Variants in RINT1 observed in about 807,000 individuals in gnomAD.
RINT1 encodes RAD50 interactor 1, also known as RAD50-interacting protein 1.
In RINT1, 75 loss-of-function variants were observed where a neutral mutation model predicts 97.7. The observed-to-expected ratio is 0.77, with a 90% CI of 0.64 to 0.93. The LOEUF is 0.93. Among genes scored for constraint, RINT1 ranks in the 40% least tolerant of loss-of-function variants. RINT1 has a pLI of 0.00. For missense variants in RINT1, 892 were observed against 925.2 expected (o/e 0.96, Z 0.47); for synonymous variants, 303 against 326.3 (o/e 0.93, Z 0.77).
chr7:105,560,326 A>G lies in RINT1; in HGVS notation c.1672-3407A>G, dbSNP rs139736644. 5.6e-3 allele frequency among the ~76,000 whole-genome samples: 852 copies of G among 152,312 alleles called. 11 individuals are homozygous for G. Among genetic ancestry groups the G allele is most frequent in the African/African-American group, 0.02 (825 of 41,564 alleles). On this transcript the variant is annotated intron_variant, in intron 11 of 14. Transcript: ENST00000257700. ...CCTGGCACCAAAGGATAGGGCTGAC[A>G]CCACCTAAGTTGTCTCAGATTGGGG...
In RINT1 at chr7:105,565,585, T is replaced by G; in HGVS notation, c.2123T>G (p.Met708Arg). ...EGGAAQLQFD[M>R]TRNLFPLFSH... ...GGAGCAGCCCAGCTGCAGTTTGATATGACTCGGAATCTTTTCCCTTTGTTT... is the reference window on the plus strand; with the variant it reads ...GGAGCAGCCCAGCTGCAGTTTGATAGGACTCGGAATCTTTTCCCTTTGTTT... The change falls in exon 14 of 15, where the codon ATG becomes AGG. Residue 708 changes from methionine (M) to arginine (R), a missense_variant. By Grantham distance (91) the Met-to-Arg change is moderately conservative (BLOSUM62 -1). Coordinates refer to ENST00000257700, the MANE Select transcript of RINT1 (RefSeq NM_021930.6). 1 of 1,614,054 alleles carries G rather than the reference T, an allele frequency of 6.2e-7. No individual in the cohort carries two copies. Among genetic ancestry groups the G allele is most frequent in the Non-Finnish European group, 8.5e-7 (1 of 1,179,966 alleles).
At chr7:105,532,955 A>G (rs1307911072) in intron 2 of RINT1, 86 bp downstream of exon 2, 9 of 1,184,694 alleles carry the variant, frequency 7.6e-6, no homozygotes, top group East Asian at 2.3e-5. Context: ...TTCTTTGCCT[A>G]TCTTTTAGAT....
chr7:105,532,763 C>T, intron 1 of RINT1, 61 bp from the exon 2 acceptor site: 2 of 1,564,012 alleles, frequency 1.3e-6, no homozygotes, highest in Non-Finnish European at 1.8e-6. Context: ...TTGGGAGCCC[C>T]GTATGCTTTC....
chr7:105,559,458 A>G (rs1235021451), intron 11 of RINT1, among the ~76,000 whole-genome samples: 1 of 143,530 alleles, frequency 7.0e-6, no homozygotes, highest in East Asian at 2.2e-4. Flanking sequence ...GGAGAATTGC[A>G]TGAACCTGGG....
Position 105,548,588 on chromosome 7 carries a change from G to GAA in RINT1, c.878_879dup (p.Tyr294AsnfsTer18). On this transcript the variant is annotated frameshift_variant, in exon 7 of 15. Transcript: ENST00000257700. LOFTEE classifies it high-confidence loss of function. ...ACTTACTGAGCCAAAGCAACTCCCA[G>GAA]AAAAATACTCTCTTCCTGCCTCCCC... 6.2e-7 allele frequency: 1 copy of GAA among 1,614,130 alleles called. No homozygotes were observed. The highest frequency in any genetic ancestry group is 1.1e-5 in the South Asian group (1 of 91,084).
intron 12 of RINT1, 97 bp from the exon 13 acceptor site, chr7:105,565,180 G>A (rs1791646657): frequency 9.8e-7 from 1 of 1,021,076 alleles, no homozygotes; most frequent in Admixed American, 2.9e-5. Context: ...TATCCAAAAT[G>A]CCCTAGGACA....
chr7:105,562,890 G>C (rs62486998), intron 11 of RINT1, among the ~76,000 whole-genome samples: 6 of 152,114 alleles, frequency 3.9e-5, no homozygotes, highest in African/African-American at 1.4e-4. Context: ...GTGACAGAGC[G>C]AGATTCCGTC....
chr7:105,565,446 A>C lies in RINT1; in HGVS notation c.2056A>C (p.Ile686Leu), dbSNP rs1791673147. The C allele has an allele frequency of 1.2e-6, 2 of 1,614,042 alleles. No individual in the cohort carries two copies. Among genetic ancestry groups the C allele is most frequent in the East Asian group, 2.2e-5 (1 of 44,882 alleles). ...QMLVEKLDVY[I>L]YQEIILANHF... Reference sequence around the variant, plus strand: ...GCTTGTAGAGAAGCTGGATGTATACATCTACCAAGAAGTAAGTAAGAATAG... The same window carrying C: ...GCTTGTAGAGAAGCTGGATGTATACCTCTACCAAGAAGTAAGTAAGAATAG... Residue 686 changes from isoleucine (I) to leucine (L), a missense_variant, in exon 13 of 15, where the codon ATC becomes CTC. Coordinates refer to ENST00000257700, the MANE Select transcript of RINT1 (RefSeq NM_021930.6).
intron 14 of RINT1, among the ~76,000 whole-genome samples, chr7:105,565,937 A>G (rs1477678478): frequency 6.6e-6 from 1 of 152,180 alleles, no homozygotes; most frequent in East Asian, 1.9e-4. Flanking sequence ...ATAAATAGAA[A>G]ATGAAAACAA....
intron 4 of RINT1, among the ~76,000 whole-genome samples, chr7:105,543,008 C>T (rs866170531): frequency 4.6e-5 from 7 of 152,002 alleles, no homozygotes; most frequent in Non-Finnish European, 1.0e-4. Context: ...CCTCAGCCTC[C>T]CGAGTAGCTG....
At chr7:105,545,530 A>ATATTT (rs1370775591) in intron 4 of RINT1, among the ~76,000 whole-genome samples, 1 of 140,142 alleles carries the variant, frequency 7.1e-6, no homozygotes, top group African/African-American at 2.6e-5. Flanking sequence ...ATATATATAT[A>ATATTT]TTTTTTTTTT....
At position 105,548,686 on chromosome 7, in the gene RINT1, C is replaced by A. The variant is rs777328366; in HGVS notation, c.972C>A (p.Asn324Lys). The A allele has an allele frequency of 1.2e-6, 2 of 1,613,196 alleles. No individual in the cohort carries two copies. The highest frequency in any genetic ancestry group is 1.7e-6 in the Non-Finnish European group (2 of 1,179,618). Residue 324 changes from asparagine (N) to lysine (K), a missense_variant, in exon 7 of 15, where the codon AAC (asparagine) becomes AAA (lysine). Physicochemically the swap from Asn to Lys is moderately conservative, Grantham distance 94. Coordinates refer to ENST00000257700, the MANE Select transcript of RINT1 (RefSeq NM_021930.6). ...QKRFRYHFRGNRQTNVLSKPE... is the reference protein window; with the variant it reads ...QKRFRYHFRGKRQTNVLSKPE... ...GGTTCAGGTATCACTTCAGAGGGAA[C>A]CGGCAGACTAATGTGTTAAGCAAGG...
chr7:105,540,982 A>G (rs1223562944), intron 3 of RINT1, among the ~76,000 whole-genome samples: 2 of 150,234 alleles, frequency 1.3e-5, no homozygotes, highest in African/African-American at 2.5e-5. Context: ...GATTACAGGT[A>G]TGTGCCACCA....
intron 3 of RINT1, among the ~76,000 whole-genome samples, chr7:105,540,461 C>T (rs1790411064): frequency 6.6e-6 from 1 of 152,088 alleles, no homozygotes; most frequent in African/African-American, 2.4e-5. Context: ...GGGGTTTCAC[C>T]ATGTTGGCAA....
rs376052967 is a variant in RINT1, at chr7:105,546,868, C to G, written c.516-42C>G. 7.9e-5 allele frequency: 115 copies of G among 1,448,466 alleles called. No individual in the cohort carries two copies. The African/African-American group carries it at 1.5e-3, about 19-fold the overall frequency. The allele number at this position is 1,448,466 out of a possible 1,614,324, so 89.7% of individuals were successfully genotyped here. ...CCAACCTGGGCAACAGAGTGAGACT[C>G]TGTCTCAAAAGAAAAAAAAATTTGC... On this transcript the variant is annotated intron_variant, in intron 4 of 14. Transcript: ENST00000257700.
At chr7:105,558,386 C>G (rs1457075010) in intron 11 of RINT1, among the ~76,000 whole-genome samples, 2 of 151,878 alleles carry the variant, frequency 1.3e-5, no homozygotes, top group Admixed American at 6.6e-5. Context: ...TAAGTATTCT[C>G]TCAGCACCCC....
At chr7:105,561,853 C>T (rs933837746) in intron 11 of RINT1, among the ~76,000 whole-genome samples, 6 of 151,874 alleles carry the variant, frequency 4.0e-5, no homozygotes, top group African/African-American at 1.5e-4. Flanking sequence ...TGAGCCACCA[C>T]GCCTGGCCGA....
chr7:105,532,447 G>A, intron 1 of RINT1, 90 bp downstream of exon 1: 1 of 1,412,870 alleles, frequency 7.1e-7, no homozygotes, highest in Non-Finnish European at 9.7e-7. Flanking sequence ...CGGTGCGGTG[G>A]CCCTGTAAGC....
chr7:105,554,587 C>T (rs1254674442), intron 10 of RINT1, among the ~76,000 whole-genome samples: 1 of 151,818 alleles, frequency 6.6e-6, no homozygotes, highest in Non-Finnish European at 1.5e-5. Context: ...TACAGGCACA[C>T]GCCACTACTG....
Sources: gnomAD v4.1 joint callset for allele counts (sites outside exome capture counted in the v4.1 genomes callset) on GRCh38, gnomAD v4.1.1 for gene constraint, MANE v1.5 for transcripts, NCBI Gene and HGNC (gene_info 2026-07-23, HGNC 2026-07-21) for gene names.